Variants in GLT1D1 observed in about 807,000 individuals in gnomAD.
The protein encoded by GLT1D1 is glycosyltransferase 1 domain-containing protein 1.
A neutral mutation model predicts 28.7 loss-of-function variants in GLT1D1; 21 were observed. That is an observed-to-expected ratio of 0.73 (90% confidence interval 0.52 to 1.05). The LOEUF (loss-of-function observed/expected upper bound fraction) is 1.05, where lower values mean the gene tolerates loss of function less well. Ranked by LOEUF, GLT1D1 falls within the 50% of genes least tolerant of loss-of-function variation. GLT1D1 has a pLI of 0.00. For missense variants in GLT1D1, 343 were observed against 330.6 expected (o/e 1.04, Z -0.29); for synonymous variants, 147 against 124.8 (o/e 1.18, Z -1.19).
intron 4 of GLT1D1, among the ~76,000 whole-genome samples, chr12:128,903,975 C>A (rs560574944): frequency 6.6e-6 from 1 of 151,818 alleles, no homozygotes; most frequent in Admixed American, 6.6e-5. Context: ...GTGATCCGCC[C>A]GCCTTGGCCT....
intron 4 of GLT1D1, among the ~76,000 whole-genome samples, chr12:128,929,083 C>T (rs577194845): frequency 6.6e-6 from 1 of 152,226 alleles, no homozygotes; most frequent in Admixed American, 6.5e-5. Flanking sequence ...TTAGGGAGGC[C>T]CCGGAGAGCT....
At chr12:128,921,746 G>A (rs1178442380) in intron 4 of GLT1D1, among the ~76,000 whole-genome samples, 1 of 151,982 alleles carries the variant, frequency 6.6e-6, no homozygotes, top group Non-Finnish European at 1.5e-5. Flanking sequence ...GTAGCTAAGT[G>A]TGTCAGAGTA....
rs74773132 is a variant in GLT1D1, at chr12:128,937,598, G to T, written c.376-7728G>T. Among the ~76,000 whole-genome samples, 19 of 152,256 alleles carry T rather than the reference G, an allele frequency of 1.2e-4. No homozygotes were observed. The East Asian group carries it at 3.5e-3, about 28-fold the overall frequency. ...CTGGTAGAGAGAATGCAGGGACACA[G>T]ATAGACACTGATATGGTTTGGCTGT... On this transcript the variant is annotated intron_variant, in intron 4 of 7. Coordinates refer to ENST00000281703, the MANE Select transcript of GLT1D1 (RefSeq NM_144669.3).
In GLT1D1 at chr12:128,960,589, T is replaced by G. The variant is rs1057230118; in HGVS notation, c.639+2946T>G. Reference sequence around the variant, plus strand: ...CCTGGCAAACATGCAAAACCCTGTCTCTACTAAAAATATGAAAATGAGCCA... The same window carrying G: ...CCTGGCAAACATGCAAAACCCTGTCGCTACTAAAAATATGAAAATGAGCCA... On this transcript the variant is annotated intron_variant, in intron 7 of 7. Transcript: ENST00000281703. Among the ~76,000 whole-genome samples the G allele has an allele frequency of 2.6e-5, 4 of 152,096 alleles. No individual in the cohort carries two copies. In the East Asian group the frequency reaches 7.7e-4, roughly 29 times the overall value.
chr12:128,894,386 A>C (rs1386545379), intron 3 of GLT1D1, among the ~76,000 whole-genome samples: 1 of 152,090 alleles, frequency 6.6e-6, no homozygotes, highest in Non-Finnish European at 1.5e-5. Flanking sequence ...GGAAGGAATC[A>C]TCCTTTCCTG....
chr12:128,977,648 C>T (rs906201243), intron 7 of GLT1D1, among the ~76,000 whole-genome samples: 3 of 152,168 alleles, frequency 2.0e-5, no homozygotes, highest in Admixed American at 1.3e-4. Context: ...CGTTTCCCAC[C>T]GCTGATCAGG....
intron 4 of GLT1D1, 32 bp downstream of exon 4, chr12:128,899,319 T>C (rs1201478948): frequency 1.9e-6 from 3 of 1,594,136 alleles, no homozygotes; most frequent in Non-Finnish European, 2.6e-6. Flanking sequence ...TTATTTTGGT[T>C]GTGCTGATGA....
chr12:128,877,646 A>C (rs1008627797), intron 2 of GLT1D1, among the ~76,000 whole-genome samples: 5 of 152,272 alleles, frequency 3.3e-5, no homozygotes, highest in African/African-American at 1.2e-4. Context: ...CCACTGTATT[A>C]TTTCTCATTT....
chr12:128,861,475 G>A (rs1026777261), intron 1 of GLT1D1, among the ~76,000 whole-genome samples: 2 of 152,138 alleles, frequency 1.3e-5, no homozygotes, highest in Non-Finnish European at 2.9e-5. Context: ...AGATGGTCTC[G>A]GGAAGAGAAC....
chr12:128,871,909 A>C lies in GLT1D1; in HGVS notation c.69-4005A>C, dbSNP rs1956697806. ...TATAGTACTGTCTGGATGATTTAAGAGATTTTCAAGGGTAATTTTTTTTTA... is the reference window on the plus strand; with the variant it reads ...TATAGTACTGTCTGGATGATTTAAGCGATTTTCAAGGGTAATTTTTTTTTA... On this transcript the variant is annotated intron_variant, in intron 1 of 7. Coordinates refer to ENST00000281703, the MANE Select transcript of GLT1D1 (RefSeq NM_144669.3). Among the ~76,000 whole-genome samples the C allele has an allele frequency of 2.0e-5, 3 of 151,962 alleles. No individual in the cohort carries two copies. In the South Asian group the frequency reaches 6.3e-4, roughly 32 times the overall value.
chr12:128,861,448 A>G (rs149508870), intron 1 of GLT1D1, among the ~76,000 whole-genome samples: 15 of 152,288 alleles, frequency 9.8e-5, no homozygotes, highest in Non-Finnish European at 1.8e-4. Flanking sequence ...TGCCAAGGGT[A>G]CTGGGGAAAT....
chr12:128,954,929 G>A (rs866086188), intron 6 of GLT1D1, among the ~76,000 whole-genome samples: 6 of 152,304 alleles, frequency 3.9e-5, no homozygotes, highest in South Asian at 4.1e-4. Context: ...ATTCCAGCCC[G>A]GGCAACAGAG....
intron 4 of GLT1D1, among the ~76,000 whole-genome samples, chr12:128,905,468 A>C (rs781736591): frequency 5.9e-5 from 9 of 152,202 alleles, no homozygotes; most frequent in Non-Finnish European, 1.0e-4. Flanking sequence ...GTAACCGGTG[A>C]GTGAACTTCA....
intron 4 of GLT1D1, among the ~76,000 whole-genome samples, chr12:128,938,130 G>C (rs1295815064): frequency 6.6e-6 from 1 of 152,150 alleles, no homozygotes; most frequent in African/African-American, 2.4e-5. Flanking sequence ...TACTGGCTCA[G>C]CAACTTTCTA....
chr12:128,983,507 A>C lies in GLT1D1; in HGVS notation c.*417A>C. 6.0e-6 allele frequency: 1 copy of C among 167,658 alleles called. No homozygotes were observed. The highest frequency in any genetic ancestry group is 1.3e-5 in the Non-Finnish European group (1 of 76,504). The allele number at this position is 167,658 out of a possible 1,614,324, so 10.4% of individuals were successfully genotyped here. ...CCCCATCGTTGCCAGTTTGAAAGGCAAAAGCAAAACAGACGTGTCAGCTGA... is the reference window on the plus strand; with the variant it reads ...CCCCATCGTTGCCAGTTTGAAAGGCCAAAGCAAAACAGACGTGTCAGCTGA... On this transcript the variant is annotated 3_prime_UTR_variant, in exon 8 of 8. Transcript: ENST00000281703. This position sits in a 1 kb window ranked among gnomAD's most constrained non-coding sequence, Gnocchi z 4.7.
At position 128,888,743 on chromosome 12, in the gene GLT1D1, A is replaced by C; in HGVS notation, c.322A>C (p.Arg108=). Residue 108 remains arginine, a splice_region_variant and synonymous_variant, in exon 3 of 8, where the codon AGA becomes CGA. Coordinates refer to ENST00000281703, the MANE Select transcript of GLT1D1 (RefSeq NM_144669.3). ...CATGGGCAGAGTTCTTGAGGAAGCC[A>C]GGTAATACCTGCGAGAATTTCATCC... 6.3e-7 allele frequency: 1 copy of C among 1,582,108 alleles called. No homozygotes were observed. The highest frequency in any genetic ancestry group is 8.7e-7 in the Non-Finnish European group (1 of 1,152,480).
chr12:128,956,098 A>G (rs922239838), intron 6 of GLT1D1, among the ~76,000 whole-genome samples: 3 of 141,592 alleles, frequency 2.1e-5, no homozygotes, highest in Middle Eastern at 3.6e-3. Flanking sequence ...GGCGGAGCTT[A>G]CAGTGAGCCG....
At chr12:128,970,508 C>G (rs1319491567) in intron 7 of GLT1D1, among the ~76,000 whole-genome samples, 1 of 152,232 alleles carries the variant, frequency 6.6e-6, no homozygotes, top group Non-Finnish European at 1.5e-5. Context: ...TCAAAGTCCG[C>G]TTCTATCCAC....
At chr12:128,929,426 C>T (rs377240757) in intron 4 of GLT1D1, among the ~76,000 whole-genome samples, 1 of 152,126 alleles carries the variant, frequency 6.6e-6, no homozygotes, top group African/African-American at 2.4e-5. Context: ...GTGATGACTC[C>T]GTTTCTTCAG....
Sources: allele counts gnomAD v4.1 joint callset (sites outside exome capture counted in the v4.1 genomes callset), GRCh38; gene constraint gnomAD v4.1.1; non-coding constraint Gnocchi (gnomAD v3.1); transcripts MANE v1.5; gene names NCBI Gene and HGNC (gene_info 2026-07-23, HGNC 2026-07-21).